The following DPY19L3 variants were observed in gnomAD, a reference collection of about 807,000 sequenced individuals.
DPY19L3 encodes dpy-19 like C-mannosyltransferase 3, also known as protein C-mannosyl-transferase DPY19L3.
In DPY19L3, 51 loss-of-function variants were observed where a neutral mutation model predicts 92.3. The observed-to-expected ratio is 0.55, with a 90% CI of 0.44 to 0.70. The LOEUF (loss-of-function observed/expected upper bound fraction) is 0.70, where lower values mean the gene tolerates loss of function less well. Ranked by LOEUF, DPY19L3 falls within the 30% of genes least tolerant of loss-of-function variation. The probability of loss-of-function intolerance (pLI) is 0.00; values close to 1 mark genes in which losing one functional copy is unlikely to be tolerated. For missense variants in DPY19L3, 706 were observed against 855.9 expected (o/e 0.82, Z 2.18); for synonymous variants, 309 against 315.2 (o/e 0.98, Z 0.21).
intron 4 of DPY19L3, among the ~76,000 whole-genome samples, chr19:32,433,724 A>G (rs552958817): frequency 6.6e-6 from 1 of 152,278 alleles, no homozygotes; most frequent in East Asian, 1.9e-4. Context: ...CGCCCAGCCC[A>G]TAAGTGATGT....
chr19:32,408,377 C>G (rs776999838), intron 2 of DPY19L3, 21 bp downstream of exon 2: 3 of 1,577,720 alleles, frequency 1.9e-6, no homozygotes. Context: ...TAAACTAAAG[C>G]AGCAATTTGG....
At chr19:32,440,983 C>T (rs922471247) in intron 8 of DPY19L3, among the ~76,000 whole-genome samples, 1 of 152,108 alleles carries the variant, frequency 6.6e-6, no homozygotes. Flanking sequence ...GTAGATAGGA[C>T]TAAGTTTATA....
At chr19:32,419,978 G>A (rs1214398544) in intron 3 of DPY19L3, among the ~76,000 whole-genome samples, 1 of 150,078 alleles carries the variant, frequency 6.7e-6, no homozygotes, top group Non-Finnish European at 1.5e-5. Context: ...TCCTGCCTCA[G>A]CCTCCCGAGT....
intron 3 of DPY19L3, among the ~76,000 whole-genome samples, chr19:32,422,826 C>T (rs1460609594): frequency 6.6e-6 from 1 of 152,156 alleles, no homozygotes; most frequent in African/African-American, 2.4e-5. Flanking sequence ...AACCTTTGGA[C>T]ATTCTAGACG....
intron 12 of DPY19L3, among the ~76,000 whole-genome samples, chr19:32,461,244 G>T (rs1970031111): frequency 6.6e-6 from 1 of 152,084 alleles, no homozygotes; most frequent in Non-Finnish European, 1.5e-5. Context: ...CCCTGCCTCA[G>T]CCTCCCAAAG....
chr19:32,468,874 A>C, intron 16 of DPY19L3, 61 bp downstream of exon 16: 1 of 1,501,882 alleles, frequency 6.7e-7, no homozygotes, highest in Admixed American at 2.2e-5. Flanking sequence ...ACTATAGACC[A>C]CATTTCGTTT....
chr19:32,451,902 A>G (rs1381745662), intron 8 of DPY19L3, among the ~76,000 whole-genome samples: 1 of 151,916 alleles, frequency 6.6e-6, no homozygotes, highest in African/African-American at 2.4e-5. Context: ...TGGAGCGATC[A>G]TAGCTTACTG....
At chr19:32,456,427 T>A (rs905502399) in intron 10 of DPY19L3, among the ~76,000 whole-genome samples, 2 of 152,012 alleles carry the variant, frequency 1.3e-5, no homozygotes, top group African/African-American at 4.8e-5. Context: ...ATTTTTAAAT[T>A]TCTAAATTTT....
intron 12 of DPY19L3, among the ~76,000 whole-genome samples, chr19:32,462,994 A>G (rs149511610): frequency 6.6e-6 from 1 of 152,226 alleles, no homozygotes; most frequent in East Asian, 1.9e-4. Flanking sequence ...GCTTTTGCTT[A>G]TTTGTAAAAA....
In DPY19L3 at chr19:32,411,247, A is replaced by G. The variant is rs767236019; in HGVS notation, c.112A>G (p.Ser38Gly). ...TTCCATTTTTCCAAAAGGTTGTACC[A>G]GTAGAAGATTATGGAAGATTTTGTC... ...LENKLPSGCTSRRLWKILSLT... is the reference protein window; with the variant it reads ...LENKLPSGCTGRRLWKILSLT... The change falls in exon 3 of 19, where the codon AGT (serine) becomes GGT (glycine). Residue 38 changes from serine to glycine, a missense_variant. Physicochemically the swap from Ser to Gly is moderately conservative, Grantham distance 56. Coordinates refer to ENST00000392250, the MANE Select transcript of DPY19L3 (RefSeq NM_001172774.2). 4 of 1,610,666 alleles carry G rather than the reference A, an allele frequency of 2.5e-6. No homozygotes were observed. The South Asian group carries it at 3.3e-5, about 13-fold the overall frequency.
intron 8 of DPY19L3, among the ~76,000 whole-genome samples, chr19:32,447,720 CATAGATAGATAG>C (rs56116714): frequency 0.051 from 6,695 of 131,652 alleles, 212 homozygotes; most frequent in East Asian, 0.13. Flanking sequence ...CCGTCTCATT[CATAGATAGATAG>C]ATAGATAGAT....
Position 32,437,176 on chromosome 19 carries a change from T to C in DPY19L3, c.451-18T>C. ...TAGGGCTCACCTGACAAACATGTTT[T>C]ATTGTTCCCTTTTACAGAAATATTT... is the stretch of plus-strand genomic sequence containing the variant. On this transcript the variant is annotated intron_variant, in intron 5 of 18. Coordinates refer to ENST00000392250, the MANE Select transcript of DPY19L3 (RefSeq NM_001172774.2). 6.2e-7 allele frequency: 1 copy of C among 1,613,854 alleles called. No individual in the cohort carries two copies. Among genetic ancestry groups the C allele is most frequent in the Non-Finnish European group, 8.5e-7 (1 of 1,179,948 alleles).
intron 3 of DPY19L3, among the ~76,000 whole-genome samples, chr19:32,426,213 A>G (rs1466268671): frequency 6.6e-6 from 1 of 152,182 alleles, no homozygotes; most frequent in Admixed American, 6.5e-5. Flanking sequence ...TCACCTCTCT[A>G]GCCTTCACAG....
chr19:32,476,066 C>T (rs1404179302), intron 16 of DPY19L3, among the ~76,000 whole-genome samples: 1 of 152,148 alleles, frequency 6.6e-6, no homozygotes, highest in Non-Finnish European at 1.5e-5. Flanking sequence ...CAAAAGTAAA[C>T]TATTTGTAAA....
chr19:32,466,222 A>T (rs1970195713), intron 15 of DPY19L3, among the ~76,000 whole-genome samples: 2 of 152,180 alleles, frequency 1.3e-5, no homozygotes, highest in South Asian at 4.1e-4. Context: ...TGTCCTAGGG[A>T]GCATTGATTC....
chr19:32,480,965 T>C, intron 18 of DPY19L3: 1 of 414,010 alleles, frequency 2.4e-6, no homozygotes, highest in Non-Finnish European at 4.2e-6. Flanking sequence ...TGCCCTCCGG[T>C]CTAGGTGGTG....
At chr19:32,430,651 C>T (rs1480898077) in intron 3 of DPY19L3, among the ~76,000 whole-genome samples, 1 of 151,890 alleles carries the variant, frequency 6.6e-6, no homozygotes, top group African/African-American at 2.4e-5. Context: ...GGCAGGGTCT[C>T]GCTCTATCAT....
At chr19:32,427,847 C>A (rs763578580) in intron 3 of DPY19L3, 4 of 151,848 alleles carry the variant, frequency 2.6e-5, no homozygotes, top group Non-Finnish European at 5.9e-5. Context: ...GCTACTATTT[C>A]TTGGTGAGAT....
intron 12 of DPY19L3, 101 bp downstream of exon 12, chr19:32,458,610 T>C (rs565181977): frequency 8.2e-7 from 1 of 1,225,132 alleles, no homozygotes; most frequent in Non-Finnish European, 1.1e-6. Flanking sequence ...ACACAAGTAA[T>C]AGTATTCATC....
Sources: allele counts gnomAD v4.1 joint callset (sites outside exome capture counted in the v4.1 genomes callset), GRCh38; gene constraint gnomAD v4.1.1; transcripts MANE v1.5; gene names NCBI Gene and HGNC (gene_info 2026-07-23, HGNC 2026-07-21).